The following BTBD9 variants were observed in gnomAD, a reference collection of about 807,000 sequenced individuals.
BTBD9 encodes BTB domain containing 9, also known as BTB/POZ domain-containing protein 9.
A neutral mutation model predicts 64.3 loss-of-function variants in BTBD9; 49 were observed. The observed-to-expected ratio is 0.76, with a 90% CI of 0.61 to 0.97. BTBD9 has a LOEUF of 0.97. BTBD9 is among the 50% of genes least tolerant of loss of function. The pLI, the probability that BTBD9 is intolerant of heterozygous loss-of-function variation, is 0.00. For synonymous variants in BTBD9, 260 were observed against 274.7 expected, an observed-to-expected ratio of 0.95 and a Z score of 0.53; for missense variants, 598 against 762.1, an observed-to-expected ratio of 0.78 and a Z score of 2.53.
intron 6 of BTBD9, among the ~76,000 whole-genome samples, chr6:38,550,762 T>G (rs1161567659): frequency 1.3e-5 from 2 of 152,218 alleles, no homozygotes; most frequent in African/African-American, 2.4e-5. Context: ...TTATTCTTGT[T>G]AGAATGTGTC....
chr6:38,370,924 G>A (rs1296533956), intron 6 of BTBD9, among the ~76,000 whole-genome samples: 1 of 152,152 alleles, frequency 6.6e-6, no homozygotes, highest in Non-Finnish European at 1.5e-5. Context: ...ACATTTCCCA[G>A]TTTCCACATG....
At chr6:38,219,923 ATC>A (rs1763142114) in intron 9 of BTBD9, among the ~76,000 whole-genome samples, 2 of 152,240 alleles carry the variant, frequency 1.3e-5, no homozygotes, top group Non-Finnish European at 2.9e-5. Flanking sequence ...AATATGGTAT[ATC>A]AGTAATATTT....
intron 6 of BTBD9, among the ~76,000 whole-genome samples, chr6:38,499,654 G>T (rs1286683940): frequency 1.3e-5 from 2 of 152,188 alleles, no homozygotes; most frequent in Admixed American, 6.5e-5. Context: ...AAACAGTAAT[G>T]AATCTCTTGT....
chr6:38,331,608 C>A (rs780937771), intron 7 of BTBD9, among the ~76,000 whole-genome samples: 122 of 152,222 alleles, frequency 8.0e-4, no homozygotes, highest in Non-Finnish European at 1.3e-3. Context: ...CCTGGAATCC[C>A]AGCACTTTGG....
intron 6 of BTBD9, among the ~76,000 whole-genome samples, chr6:38,397,622 C>G (rs1274038377): frequency 6.6e-6 from 1 of 152,184 alleles, no homozygotes; most frequent in African/African-American, 2.4e-5. Context: ...GGAGAGAGAA[C>G]TAGGCAGGAG....
intron 8 of BTBD9, among the ~76,000 whole-genome samples, chr6:38,278,512 G>T (rs1051875589): frequency 1.3e-5 from 2 of 152,144 alleles, no homozygotes; most frequent in African/African-American, 4.8e-5. Context: ...CATTTTCTTT[G>T]TAAGGCTATA....
intron 6 of BTBD9, among the ~76,000 whole-genome samples, chr6:38,548,542 T>C (rs1774657876): frequency 6.6e-6 from 1 of 152,188 alleles, no homozygotes; most frequent in Non-Finnish European, 1.5e-5. Flanking sequence ...AAATCGTGCA[T>C]TCCTAGATGG....
At chr6:38,333,076 G>A (rs1763742951) in intron 7 of BTBD9, among the ~76,000 whole-genome samples, 1 of 152,172 alleles carries the variant, frequency 6.6e-6, no homozygotes, top group African/African-American at 2.4e-5. Context: ...TTGGTAATAT[G>A]GCTAGTGATG....
chr6:38,513,948 AAGGCAAATGCTAGCAC>A (rs561327286), intron 6 of BTBD9, among the ~76,000 whole-genome samples: 162 of 152,370 alleles, frequency 1.1e-3, no homozygotes, highest in African/African-American at 3.6e-3. Context: ...CATTTAGTAG[AAGGCAAATGCTAGCAC>A]AGAACAAAAG....
chr6:38,268,614 G>C (rs913720681), intron 8 of BTBD9, among the ~76,000 whole-genome samples: 3 of 152,158 alleles, frequency 2.0e-5, no homozygotes, highest in Non-Finnish European at 4.4e-5. Context: ...AACACAACCA[G>C]TACTATTTTC....
At chr6:38,289,365 C>G (rs563658448) in intron 7 of BTBD9, among the ~76,000 whole-genome samples, 3 of 152,204 alleles carry the variant, frequency 2.0e-5, no homozygotes. Flanking sequence ...CACGGTGAGA[C>G]TCCCTCTCAA....
intron 6 of BTBD9, among the ~76,000 whole-genome samples, chr6:38,389,790 C>T (rs1766332302): frequency 1.3e-5 from 2 of 152,076 alleles, no homozygotes; most frequent in South Asian, 4.2e-4. Context: ...TTAAACTATA[C>T]CAGTATTGTA....
intron 6 of BTBD9, among the ~76,000 whole-genome samples, chr6:38,547,661 C>T (rs1169413515): frequency 1.3e-5 from 2 of 152,128 alleles, no homozygotes; most frequent in Admixed American, 1.3e-4. Context: ...TCATGCTGTT[C>T]CTTCATCCTG....
intron 6 of BTBD9, among the ~76,000 whole-genome samples, chr6:38,540,912 A>C (rs907976595): frequency 2.6e-5 from 4 of 152,344 alleles, no homozygotes; most frequent in African/African-American, 9.6e-5. Context: ...GCTGCGTTCT[A>C]TGATGTTACA....
At chr6:38,527,512 C>CA (rs1773564678) in intron 6 of BTBD9, among the ~76,000 whole-genome samples, 1 of 152,044 alleles carries the variant, frequency 6.6e-6, no homozygotes, top group African/African-American at 2.4e-5. Context: ...TTTTATAAGG[C>CA]AGTTTTCCCT....
chr6:38,361,981 G>A (rs1724577020), intron 6 of BTBD9, among the ~76,000 whole-genome samples: 1 of 152,016 alleles, frequency 6.6e-6, no homozygotes, highest in South Asian at 2.1e-4. Flanking sequence ...TCAATGTAGA[G>A]GACCCAACAC....
At chr6:38,624,345 C>T (rs1778100865) in intron 1 of BTBD9, among the ~76,000 whole-genome samples, 1 of 152,168 alleles carries the variant, frequency 6.6e-6, no homozygotes, top group Non-Finnish European at 1.5e-5. Context: ...TCCTTTCGCT[C>T]TTCACAATAA....
rs869155666 is a variant in BTBD9 at position 38,171,846 on chromosome 6, C to CAAAAAAAAAAAAAAAAAAAAA, written c.*3118_*3138dup. 1.4e-4 allele frequency: 11 copies of CAAAAAAAAAAAAAAAAAAAAA among 79,206 alleles called. No individual in the cohort carries two copies. The highest frequency in any genetic ancestry group is 1.8e-4 in the Non-Finnish European group (8 of 45,696). The allele number at this position is 79,206 out of a possible 1,614,324, so 4.9% of individuals were successfully genotyped here. On this transcript the variant is annotated 3_prime_UTR_variant, in exon 11 of 11. Transcript: ENST00000481247. ...TCCAATGAAGTTGCCTTTCTACTCT[C>CAAAAAAAAAAAAAAAAAAAAA]AAAAAAAAAAAAAAAAAAAAAAAAA...
At chr6:38,497,756 G>A (rs1467102650) in intron 6 of BTBD9, among the ~76,000 whole-genome samples, 1 of 152,198 alleles carries the variant, frequency 6.6e-6, no homozygotes, top group East Asian at 1.9e-4. Flanking sequence ...TCCAAACCTT[G>A]TTGCTACAAA....
Sources: allele counts gnomAD v4.1 joint callset (sites outside exome capture counted in the v4.1 genomes callset), GRCh38; gene constraint gnomAD v4.1.1; transcripts MANE v1.5; gene names NCBI Gene and HGNC (gene_info 2026-07-23, HGNC 2026-07-21).